Variants in FANCC observed in about 807,000 individuals in gnomAD.
FANCC encodes the protein FA complementation group C.
In FANCC, 55 loss-of-function variants were observed where a neutral mutation model predicts 71.3. The observed-to-expected ratio is 0.77, with a 90% CI of 0.62 to 0.97. The LOEUF is 0.97. FANCC is among the 50% of genes least tolerant of loss of function. FANCC has a pLI of 0.00. For synonymous variants in FANCC, 275 were observed against 244.9 expected (o/e 1.12, Z -1.15); for missense variants, 678 against 670.9 (o/e 1.01, Z -0.12).
At chr9:95,210,766 T>A (rs1828446656) in intron 4 of FANCC, among the ~76,000 whole-genome samples, 1 of 152,138 alleles carries the variant, frequency 6.6e-6, no homozygotes, top group African/African-American at 2.4e-5. Flanking sequence ...TTAAATCTGA[T>A]CTAGATGCCC....
chr9:95,242,640 A>C (rs1379922407), intron 3 of FANCC, among the ~76,000 whole-genome samples: 1 of 151,962 alleles, frequency 6.6e-6, no homozygotes, highest in South Asian at 2.1e-4. Flanking sequence ...CCAAAATTTT[A>C]TTTTTTGGGA....
intron 4 of FANCC, among the ~76,000 whole-genome samples, chr9:95,216,212 G>A (rs1023645142): frequency 2.1e-4 from 32 of 152,126 alleles, no homozygotes; most frequent in African/African-American, 7.2e-4. Context: ...GTCAGACAAA[G>A]CAGACTTAAA....
At chr9:95,292,739 C>T (rs556568988) in intron 1 of FANCC, 46 of 1,359,848 alleles carry the variant, frequency 3.4e-5, no homozygotes, top group Non-Finnish European at 4.1e-5. Context: ...GTTGTCCAAT[C>T]GAAGGCTGCC....
At chr9:95,231,455 CCTGT>C (rs1830006374) in intron 4 of FANCC, among the ~76,000 whole-genome samples, 1 of 152,198 alleles carries the variant, frequency 6.6e-6, no homozygotes, top group Non-Finnish European at 1.5e-5. Flanking sequence ...CCCTCCTCTT[CCTGT>C]GAGGACCCTG....
intron 4 of FANCC, among the ~76,000 whole-genome samples, chr9:95,188,139 T>C (rs1473703775): frequency 6.6e-6 from 1 of 151,982 alleles, no homozygotes; most frequent in Non-Finnish European, 1.5e-5. Context: ...GAGAAAGAGG[T>C]CTTTAATGTC....
At chr9:95,264,650 G>C (rs1430622691) in intron 1 of FANCC, among the ~76,000 whole-genome samples, 1 of 151,956 alleles carries the variant, frequency 6.6e-6, no homozygotes, top group African/African-American at 2.4e-5. Flanking sequence ...TTTCTCTCAT[G>C]AAATAAGCAC....
At chr9:95,194,452 C>T (rs1004402161) in intron 4 of FANCC, among the ~76,000 whole-genome samples, 1 of 152,174 alleles carries the variant, frequency 6.6e-6, no homozygotes, top group Non-Finnish European at 1.5e-5. Flanking sequence ...TATCCACAGC[C>T]ATGTTCCTAC....
chr9:95,201,133 A>G (rs940564231), intron 4 of FANCC, among the ~76,000 whole-genome samples: 1 of 152,240 alleles, frequency 6.6e-6, no homozygotes, highest in Non-Finnish European at 1.5e-5. Flanking sequence ...ACAATGTAGT[A>G]TAAAGCATTT....
chr9:95,173,668 C>T (rs1298414364), intron 4 of FANCC, among the ~76,000 whole-genome samples: 1 of 152,090 alleles, frequency 6.6e-6, no homozygotes, highest in Non-Finnish European at 1.5e-5. Flanking sequence ...ATAATCACAG[C>T]ACTTTGGAAG....
Position 95,305,033 on chromosome 9 carries a change from C to T in FANCC, c.-79+12493G>A, listed in dbSNP as rs917040601. On this transcript the variant is annotated intron_variant, in intron 1 of 14. Transcript: ENST00000289081. ...AACTGTTTTCTTTTGATAAATGCTG[C>T]CTCTCTAATAGAGCACTGAGGATCG... Among the ~76,000 whole-genome samples, 30 of 152,250 alleles carry T rather than the reference C, an allele frequency of 2.0e-4. 1 individual carries two copies. The Middle Eastern group carries it at 0.01, about 52-fold the overall frequency.
intron 1 of FANCC, among the ~76,000 whole-genome samples, chr9:95,307,796 G>C (rs1835153436): frequency 6.6e-6 from 1 of 152,222 alleles, no homozygotes; most frequent in Admixed American, 6.5e-5. Flanking sequence ...CTGCTGGAAG[G>C]GAACTCAGAC....
intron 1 of FANCC, chr9:95,292,880 A>C: frequency 1.3e-6 from 2 of 1,585,582 alleles, no homozygotes; most frequent in Non-Finnish European, 1.7e-6. Flanking sequence ...ACCTGAAAAG[A>C]CTTGCAGAGG....
At chr9:95,111,889 C>T (rs1004491967) in intron 12 of FANCC, among the ~76,000 whole-genome samples, 13 of 152,222 alleles carry the variant, frequency 8.5e-5, no homozygotes, top group African/African-American at 2.4e-4. Context: ...GTCTTTAATC[C>T]AGGTACGTTC....
At chr9:95,241,608 T>C (rs1251997424) in intron 3 of FANCC, among the ~76,000 whole-genome samples, 1 of 152,176 alleles carries the variant, frequency 6.6e-6, no homozygotes, top group Non-Finnish European at 1.5e-5. Context: ...AGACAGCCGG[T>C]GCCTGGAATC....
At chr9:95,138,388 C>T (rs1828049125) in intron 7 of FANCC, among the ~76,000 whole-genome samples, 1 of 152,184 alleles carries the variant, frequency 6.6e-6, no homozygotes, top group East Asian at 1.9e-4. Context: ...CCAATTCTAG[C>T]CACATCAATG....
At chr9:95,205,369 A>T (rs1287210059) in intron 4 of FANCC, among the ~76,000 whole-genome samples, 4 of 152,146 alleles carry the variant, frequency 2.6e-5, no homozygotes, top group African/African-American at 9.6e-5. Flanking sequence ...CTAAGATGTC[A>T]TATTTTATAT....
At position 95,240,678 on chromosome 9, in the gene FANCC, C is replaced by T; in HGVS notation, c.316G>A (p.Gly106Arg). 6.2e-7 allele frequency: 1 copy of T among 1,613,160 alleles called. No homozygotes were observed. Among genetic ancestry groups the T allele is most frequent in the Non-Finnish European group, 8.5e-7 (1 of 1,179,420 alleles). Reference protein sequence around the residue: ...CLINKEPQNSGQSKLNSWIQG... With the variant: ...CLINKEPQNSRQSKLNSWIQG... ...ATCCAGGAGTTAAGTTTTGATTGTC[C>T]AGAATTCTGTGGTTCTTTGTTAATT... Residue 106 changes from glycine (G) to arginine (R), a missense_variant, in exon 4 of 15, where the codon GGA (glycine) becomes AGA (arginine). Gly to Arg is a moderately radical substitution (Grantham distance 125). Transcript: ENST00000289081.
intron 4 of FANCC, among the ~76,000 whole-genome samples, chr9:95,197,908 C>T (rs1182171516): frequency 6.6e-6 from 1 of 152,166 alleles, no homozygotes; most frequent in Non-Finnish European, 1.5e-5. Flanking sequence ...AGCAGAGGTC[C>T]CCACAGGACC....
intron 4 of FANCC, among the ~76,000 whole-genome samples, chr9:95,234,649 A>T (rs1830194361): frequency 6.6e-6 from 1 of 152,234 alleles, no homozygotes; most frequent in Non-Finnish European, 1.5e-5. Context: ...TCAGTTATCC[A>T]GAGAAACTGA....
Sources: gnomAD v4.1 joint callset for allele counts (sites outside exome capture counted in the v4.1 genomes callset) on GRCh38, gnomAD v4.1.1 for gene constraint, MANE v1.5 for transcripts, NCBI Gene and HGNC (gene_info 2026-07-23, HGNC 2026-07-21) for gene names.